BMP5: variants seen among roughly 807,000 people sequenced by gnomAD.
BMP5 encodes the protein bone morphogenetic protein 5.
A neutral mutation model predicts 46.6 loss-of-function variants in BMP5; 23 were observed. That is an observed-to-expected ratio of 0.49 (90% confidence interval 0.35 to 0.70). The LOEUF is 0.70. Ranked by LOEUF, BMP5 falls within the 30% of genes least tolerant of loss-of-function variation. The pLI is 0.00. For synonymous variants in BMP5, 204 were observed against 191.9 expected, an observed-to-expected ratio of 1.06 and a Z score of -0.52; for missense variants, 545 against 565.6, an observed-to-expected ratio of 0.96 and a Z score of 0.37.
intron 1 of BMP5, among the ~76,000 whole-genome samples, chr6:55,859,432 T>C (rs868332883): frequency 8.5e-5 from 13 of 152,314 alleles, no homozygotes; most frequent in Middle Eastern, 6.8e-3. Context: ...TAAAATACTG[T>C]TTATGCAAAT....
intron 2 of BMP5, among the ~76,000 whole-genome samples, chr6:55,814,612 A>G (rs564326932): frequency 1.2e-4 from 18 of 152,182 alleles, no homozygotes; most frequent in Non-Finnish European, 2.5e-4. Context: ...GAAATATTCT[A>G]TAAGACATAT....
intron 1 of BMP5, among the ~76,000 whole-genome samples, chr6:55,854,612 G>A (rs1777341319): frequency 6.6e-6 from 1 of 151,904 alleles, no homozygotes; most frequent in Non-Finnish European, 1.5e-5. Context: ...TTGTCACATA[G>A]AGGAGCAAGG....
intron 1 of BMP5, among the ~76,000 whole-genome samples, chr6:55,856,768 A>G (rs1171687178): frequency 6.6e-6 from 1 of 152,114 alleles, no homozygotes; most frequent in African/African-American, 2.4e-5. Flanking sequence ...GATTTCATAC[A>G]TATCAATATA....
intron 2 of BMP5, among the ~76,000 whole-genome samples, chr6:55,814,654 T>A (rs1776212118): frequency 6.6e-6 from 1 of 152,198 alleles, no homozygotes; most frequent in African/African-American, 2.4e-5. Context: ...CCCTTAAACA[T>A]CTTTCTTTGG....
chr6:55,856,379 C>T (rs1047496998), intron 1 of BMP5, among the ~76,000 whole-genome samples: 1 of 152,098 alleles, frequency 6.6e-6, no homozygotes, highest in African/African-American at 2.4e-5. Flanking sequence ...TTCCATTTCT[C>T]TAGGTAAATA....
intron 3 of BMP5, among the ~76,000 whole-genome samples, chr6:55,775,818 C>T (rs142968733): frequency 1.7e-3 from 264 of 151,304 alleles, no homozygotes; most frequent in African/African-American, 6.2e-3. Context: ...TTCCATTGTG[C>T]AGAGAACAAG....
At chr6:55,829,498 T>C (rs1054579744) in intron 1 of BMP5, among the ~76,000 whole-genome samples, 1 of 151,006 alleles carries the variant, frequency 6.6e-6, no homozygotes, top group Non-Finnish European at 1.5e-5. Context: ...GTTCTAATAG[T>C]ATATATATAT....
intron 1 of BMP5, among the ~76,000 whole-genome samples, chr6:55,855,235 A>G (rs1777361313): frequency 6.6e-6 from 1 of 151,522 alleles, no homozygotes; most frequent in Non-Finnish European, 1.5e-5. Flanking sequence ...TTTTATTTTT[A>G]TTCAATTAGT....
At chr6:55,796,895 G>T (rs1775727888) in intron 2 of BMP5, among the ~76,000 whole-genome samples, 1 of 152,048 alleles carries the variant, frequency 6.6e-6, no homozygotes, top group African/African-American at 2.4e-5. Context: ...GAAGTGGTAT[G>T]GTCTAAAAAG....
chr6:55,831,921 T>C (rs1351730859), intron 1 of BMP5, among the ~76,000 whole-genome samples: 1 of 151,710 alleles, frequency 6.6e-6, no homozygotes, highest in African/African-American at 2.4e-5. Context: ...GACAAAGACA[T>C]GGGTAACAGG....
rs572543183 is a variant in BMP5, at chr6:55,816,119, C to T, written c.683+3536G>A. On this transcript the variant is annotated intron_variant, in intron 2 of 6. Transcript: ENST00000370830. Reference sequence around the variant, plus strand: ...AAAAAAATGCTTAGGATATAAATAACCAACTATAAACTCAACATACATAAA... The same window carrying T: ...AAAAAAATGCTTAGGATATAAATAATCAACTATAAACTCAACATACATAAA... 4.6e-5 allele frequency among the ~76,000 whole-genome samples: 7 copies of T among 151,858 alleles called. No individual in the cohort carries two copies. In the East Asian group the frequency reaches 1.2e-3, roughly 25 times the overall value.
chr6:55,810,280 G>A (rs1436005542), intron 2 of BMP5, among the ~76,000 whole-genome samples: 2 of 152,014 alleles, frequency 1.3e-5, no homozygotes, highest in Non-Finnish European at 2.9e-5. Context: ...CATTTAAAAG[G>A]TACAGATGAA....
At chr6:55,756,163 AT>A (rs1209752387) in intron 6 of BMP5, among the ~76,000 whole-genome samples, 6 of 152,020 alleles carry the variant, frequency 3.9e-5, no homozygotes, top group African/African-American at 1.2e-4. Context: ...TTAATTTTCC[AT>A]GGTAAAAGAA....
intron 1 of BMP5, among the ~76,000 whole-genome samples, chr6:55,865,115 A>G (rs1441507567): frequency 6.6e-6 from 1 of 152,192 alleles, no homozygotes; most frequent in Non-Finnish European, 1.5e-5. Context: ...TTTCCTGCTT[A>G]GAGTTTAAAA....
In BMP5 at chr6:55,774,117, T is replaced by C; in HGVS notation, c.959A>G (p.Lys320Arg). 6.2e-7 allele frequency: 1 copy of C among 1,613,060 alleles called. No individual in the cohort carries two copies. Among genetic ancestry groups the C allele is most frequent in the Non-Finnish European group, 8.5e-7 (1 of 1,179,426 alleles). The stretch of plus-strand genomic sequence containing the variant: ...TTTATTGCGGTTTTGATTTTTTCGT[T>C]TGTTGGCTGCTCTCACGGATCGAAG... Reference protein sequence around the residue: ...VLLRSVRAANKRKNQNRNKSS... With the variant: ...VLLRSVRAANRRKNQNRNKSS... The change falls in exon 4 of 7, where the codon AAA (lysine) becomes AGA (arginine). Residue 320 changes from lysine (K) to arginine (R), a missense_variant. By Grantham distance (26) the Lys-to-Arg change is conservative. Coordinates refer to ENST00000370830, the MANE Select transcript of BMP5 (RefSeq NM_021073.4).
intron 1 of BMP5, among the ~76,000 whole-genome samples, chr6:55,829,628 G>A (rs1582099772): frequency 6.6e-6 from 1 of 151,670 alleles, no homozygotes; most frequent in East Asian, 1.9e-4. Context: ...ACATATGCTA[G>A]TGTAATAGAA....
At chr6:55,809,030 T>C (rs142366205) in intron 2 of BMP5, among the ~76,000 whole-genome samples, 381 of 152,342 alleles carry the variant, frequency 2.5e-3, no homozygotes, top group African/African-American at 8.9e-3. Context: ...CTTGCTATAC[T>C]CAGGCTTTAC....
chr6:55,803,555 A>G (rs573873949), intron 2 of BMP5, among the ~76,000 whole-genome samples: 2 of 152,262 alleles, frequency 1.3e-5, no homozygotes, highest in Admixed American at 1.3e-4. Context: ...GATAATTGGT[A>G]AAGTGCCAGG....
At chr6:55,828,108 G>T (rs1241908856) in intron 1 of BMP5, among the ~76,000 whole-genome samples, 5 of 151,764 alleles carry the variant, frequency 3.3e-5, no homozygotes, top group Non-Finnish European at 5.9e-5. Context: ...GGTGATAGAG[G>T]TTACAGTAAG....
Sources: gnomAD v4.1 joint callset for allele counts (sites outside exome capture counted in the v4.1 genomes callset) on GRCh38, gnomAD v4.1.1 for gene constraint, MANE v1.5 for transcripts, NCBI Gene and HGNC (gene_info 2026-07-23, HGNC 2026-07-21) for gene names.